Variants in ITGA1 observed in about 807,000 individuals in gnomAD.
ITGA1 encodes the protein integrin subunit alpha 1, also known as integrin alpha-1.
ITGA1 carries 85 observed loss-of-function variants against 145.9 expected under a neutral mutation model. That is an observed-to-expected ratio of 0.58 (90% CI 0.49 to 0.70). The LOEUF is 0.70. ITGA1 is among the 30% of genes least tolerant of loss of function. ITGA1 has a pLI of 0.00. For missense variants in ITGA1, 1,351 were observed against 1,418.7 expected (o/e 0.95, Z 0.77); for synonymous variants, 520 against 495.3 (o/e 1.05, Z -0.66).
intron 7 of ITGA1, among the ~76,000 whole-genome samples, 170 bp from the exon 8 acceptor site, chr5:52,887,645 A>G (rs897377400): frequency 6.6e-6 from 1 of 152,224 alleles, no homozygotes; most frequent in Non-Finnish European, 1.5e-5. Context: ...ATCTAAAACT[A>G]TTACAAACAA....
chr5:52,805,737 A>G (rs1454620720), intron 1 of ITGA1, among the ~76,000 whole-genome samples: 1 of 152,048 alleles, frequency 6.6e-6, no homozygotes, highest in Non-Finnish European at 1.5e-5. Context: ...AGCGGACCCC[A>G]TGGCCTTGTG....
At chr5:52,875,726 T>C (rs1749856309) in intron 6 of ITGA1, among the ~76,000 whole-genome samples, 1 of 152,204 alleles carries the variant, frequency 6.6e-6, no homozygotes, top group Non-Finnish European at 1.5e-5. Context: ...TGCACCTTTT[T>C]AGCTGTCATC....
Position 52,893,847 on chromosome 5 carries a change from CTATT to C in ITGA1, c.1090+11_1090+14del. The C allele has an allele frequency of 6.3e-7, 1 of 1,597,430 alleles. No homozygotes were observed. The highest frequency in any genetic ancestry group is 2.2e-5 in the East Asian group (1 of 44,536). ...AGAATATTTGCCCTGGAAGGTATGT[CTATT>C]TATCTTATTGCTGCATGTTCTCTCT... is the stretch of plus-strand genomic sequence containing the variant. On this transcript the variant is annotated splice_region_variant and intron_variant, in intron 9 of 28. Coordinates refer to ENST00000282588, the MANE Select transcript of ITGA1 (RefSeq NM_181501.2).
intron 1 of ITGA1, among the ~76,000 whole-genome samples, chr5:52,843,459 G>A (rs758510723): frequency 3.3e-5 from 5 of 151,974 alleles, no homozygotes; most frequent in Admixed American, 6.6e-5. Flanking sequence ...TACTAGATTG[G>A]GATTTCTGAC....
At chr5:52,886,616 A>G (rs1419065011) in intron 7 of ITGA1, among the ~76,000 whole-genome samples, 7 of 152,074 alleles carry the variant, frequency 4.6e-5, no homozygotes. Flanking sequence ...CTCTTCCAAG[A>G]CTCCAGAGCG....
At chr5:52,789,806 C>G (rs779501851) in intron 1 of ITGA1, among the ~76,000 whole-genome samples, 1 of 152,098 alleles carries the variant, frequency 6.6e-6, no homozygotes, top group Non-Finnish European at 1.5e-5. Flanking sequence ...TTCATTCTAC[C>G]AAATAAGCAG....
At chr5:52,859,299 A>G (rs567936707) in intron 2 of ITGA1, among the ~76,000 whole-genome samples, 15 of 152,294 alleles carry the variant, frequency 9.8e-5, no homozygotes, top group African/African-American at 3.4e-4. Flanking sequence ...GTTTTTATTT[A>G]CCATATTTCT....
In ITGA1 at chr5:52,953,941, T is replaced by A. The variant is rs1297442209; in HGVS notation, c.*1490T>A. ...AGCAAATCCACATAGAAATTAAATGTTATAAATTTATTTTTTTAAACTAAT... is the reference window on the plus strand; with the variant it reads ...AGCAAATCCACATAGAAATTAAATGATATAAATTTATTTTTTTAAACTAAT... On this transcript the variant is annotated 3_prime_UTR_variant, in exon 29 of 29. Transcript: ENST00000282588. 8.0e-6 allele frequency: 1 copy of A among 124,794 alleles called. No individual in the cohort carries two copies. The highest frequency in any genetic ancestry group is 8.4e-5 in the Admixed American group (1 of 11,892). The allele number at this position is 124,794 out of a possible 1,614,324, so 7.7% of individuals were successfully genotyped here.
intron 1 of ITGA1, among the ~76,000 whole-genome samples, chr5:52,810,113 T>A (rs1748662806): frequency 1.3e-5 from 2 of 152,184 alleles, no homozygotes; most frequent in Non-Finnish European, 2.9e-5. Flanking sequence ...GCTTCTTTCG[T>A]TTTTAGGACA....
intron 1 of ITGA1, among the ~76,000 whole-genome samples, chr5:52,832,999 C>A (rs1749099765): frequency 6.6e-6 from 1 of 151,736 alleles, no homozygotes; most frequent in Non-Finnish European, 1.5e-5. Context: ...CGAGACCAGC[C>A]TGGCCAACAT....
intron 11 of ITGA1, among the ~76,000 whole-genome samples, chr5:52,899,483 A>G (rs1388064489): frequency 5.3e-5 from 8 of 152,206 alleles, no homozygotes; most frequent in Non-Finnish European, 1.0e-4. Flanking sequence ...GTAGAACTGC[A>G]TGAATGAAAG....
intron 6 of ITGA1, among the ~76,000 whole-genome samples, chr5:52,867,565 G>T (rs930429529): frequency 3.1e-4 from 47 of 152,170 alleles, no homozygotes; most frequent in African/African-American, 1.0e-3. Flanking sequence ...GATGTGACTT[G>T]CTCTTCCTTC....
intron 6 of ITGA1, among the ~76,000 whole-genome samples, chr5:52,876,534 A>AGTT (rs1749870244): frequency 6.6e-6 from 1 of 151,572 alleles, no homozygotes; most frequent in Non-Finnish European, 1.5e-5. Context: ...CCCTCTTCAC[A>AGTT]TTTCCCAGAC....
At chr5:52,801,078 C>T (rs1748469688) in intron 1 of ITGA1, 10 of 1,610,332 alleles carry the variant, frequency 6.2e-6, no homozygotes, top group Non-Finnish European at 7.6e-6. Flanking sequence ...CAGTGAAGAC[C>T]GACAACAAAC....
At chr5:52,869,029 T>G (rs1274904472) in intron 6 of ITGA1, among the ~76,000 whole-genome samples, 1 of 152,194 alleles carries the variant, frequency 6.6e-6, no homozygotes, top group Non-Finnish European at 1.5e-5. Context: ...GTTTCTCCAA[T>G]TATGGCTCAT....
chr5:52,800,129 G>C (rs930772529), intron 1 of ITGA1: 13 of 436,692 alleles, frequency 3.0e-5, no homozygotes, highest in Non-Finnish European at 5.0e-5. Context: ...GCTGCCAGCG[G>C]GAACTGTGTA....
Position 52,908,952 on chromosome 5 carries a change from A to G in ITGA1, c.1510A>G (p.Asn504Asp). The G allele has an allele frequency of 6.2e-7, 1 of 1,613,892 alleles. No homozygotes were observed. The highest frequency in any genetic ancestry group is 8.5e-7 in the Non-Finnish European group (1 of 1,179,820). ...AACAACTGACATTGACAAGGATTCT[A>G]ATACTGACATTCTTCTAGTCGGAGC... The part of the protein sequence containing the change: ...LTTTDIDKDS[N>D]TDILLVGAPM... Residue 504 changes from asparagine (N) to aspartate (D), a missense_variant, in exon 13 of 29, where the codon AAT (asparagine) becomes GAT (aspartate). By Grantham distance (23) the Asn-to-Asp change is conservative. Transcript: ENST00000282588.
At chr5:52,859,650 G>C (rs917065812) in intron 2 of ITGA1, among the ~76,000 whole-genome samples, 2 of 152,150 alleles carry the variant, frequency 1.3e-5, no homozygotes, top group African/African-American at 4.8e-5. Flanking sequence ...CAAAATGTGT[G>C]CCTAATCAAT....
At chr5:52,830,109 A>C (rs1258747068) in intron 1 of ITGA1, among the ~76,000 whole-genome samples, 4 of 152,176 alleles carry the variant, frequency 2.6e-5, no homozygotes, top group Non-Finnish European at 5.9e-5. Flanking sequence ...AAACATAAAA[A>C]AGCCAGTAGG....
Sources: gnomAD v4.1 joint callset for allele counts (sites outside exome capture counted in the v4.1 genomes callset) on GRCh38, gnomAD v4.1.1 for gene constraint, MANE v1.5 for transcripts, NCBI Gene and HGNC (gene_info 2026-07-23, HGNC 2026-07-21) for gene names.